Variants in TRPC1 observed in about 807,000 individuals in gnomAD.
The protein encoded by TRPC1 is transient receptor potential cation channel subfamily C member 1.
A neutral mutation model predicts 88.2 loss-of-function variants in TRPC1; 42 were observed. The ratio of observed to expected loss-of-function variants is 0.48; its 90% CI spans 0.37 to 0.62. The LOEUF (loss-of-function observed/expected upper bound fraction) is 0.62. TRPC1 is among the 20% of genes least tolerant of loss of function. The pLI, the probability that TRPC1 is intolerant of heterozygous loss-of-function variation, is 0.00. For synonymous variants in TRPC1, 288 were observed against 331.8 expected, an observed-to-expected ratio of 0.87 and a Z score of 1.43; for missense variants, 699 against 957.3, an observed-to-expected ratio of 0.73 and a Z score of 3.56.
chr3:142,762,391 C>T (rs1577972741), intron 4 of TRPC1, among the ~76,000 whole-genome samples: 1 of 142,878 alleles, frequency 7.0e-6, no homozygotes, highest in South Asian at 2.3e-4. Context: ...ATCTTTATTT[C>T]TCTTCTTCTG....
chr3:142,804,177 C>T lies in TRPC1; in HGVS notation c.1958C>T (p.Ala653Val), dbSNP rs200746084. 17 of 1,613,552 alleles carry T rather than the reference C, an allele frequency of 1.1e-5. No individual in the cohort carries two copies. Among genetic ancestry groups the T allele is most frequent in the Non-Finnish European group, 1.4e-5 (17 of 1,179,788 alleles). Residue 653 changes from alanine to valine, a missense_variant and splice_region_variant, in exon 11 of 13, where the codon GCA (alanine) becomes GTA (valine). By Grantham distance (64) the Ala-to-Val change is moderately conservative. Around this residue, in one of 4 missense-constraint regions of TRPC1, gnomAD observed 11 missense variants for 47.2 expected, o/e 0.23. Transcript: ENST00000476941. ...AMLHKSFQLI[A>V]NHEDKEWKFA... ...CTTCATAAAAGCTTTCAGTTGATAGCAGTAAGTTCATTCTTTTAAAAACTT... is the reference window on the plus strand; with the variant it reads ...CTTCATAAAAGCTTTCAGTTGATAGTAGTAAGTTCATTCTTTTAAAAACTT...
chr3:142,801,950 T>G (rs769525142), intron 9 of TRPC1, among the ~76,000 whole-genome samples: 6 of 152,168 alleles, frequency 3.9e-5, no homozygotes, highest in South Asian at 4.1e-4. Flanking sequence ...TCTAGGAACG[T>G]GCCATCTAAC....
chr3:142,764,584 CCATT>C (rs1935320325), intron 4 of TRPC1, among the ~76,000 whole-genome samples: 2 of 152,044 alleles, frequency 1.3e-5, no homozygotes, highest in African/African-American at 4.8e-5. Context: ...TTTGAAAATG[CCATT>C]CCACTCCCTT....
intron 1 of TRPC1, among the ~76,000 whole-genome samples, chr3:142,734,530 C>T (rs1934047953): frequency 6.6e-6 from 1 of 152,052 alleles, no homozygotes; most frequent in Admixed American, 6.6e-5. Flanking sequence ...GAAGGTCTAA[C>T]TTAATGTCTA....
intron 3 of TRPC1, among the ~76,000 whole-genome samples, chr3:142,745,061 A>G (rs1276219465): frequency 1.3e-5 from 2 of 152,228 alleles, no homozygotes; most frequent in African/African-American, 2.4e-5. Context: ...AGACTATTAC[A>G]AAAGTGTGAC....
chr3:142,726,640 A>G (rs1173154894), intron 1 of TRPC1, among the ~76,000 whole-genome samples: 1 of 152,184 alleles, frequency 6.6e-6, no homozygotes, highest in Non-Finnish European at 1.5e-5. Flanking sequence ...ACGCATACTT[A>G]TGGGGTACAT....
chr3:142,727,492 G>T (rs147683341), intron 1 of TRPC1, among the ~76,000 whole-genome samples: 2 of 152,284 alleles, frequency 1.3e-5, no homozygotes, highest in African/African-American at 4.8e-5. Context: ...GTGATAGCTG[G>T]CTTTTATGTA....
intron 1 of TRPC1, among the ~76,000 whole-genome samples, chr3:142,735,848 C>T (rs960164024): frequency 6.6e-6 from 1 of 152,020 alleles, no homozygotes; most frequent in Admixed American, 6.6e-5. Context: ...CTTTACTATA[C>T]ATATCCTTGA....
At chr3:142,779,492 C>G (rs181422018) in intron 5 of TRPC1, among the ~76,000 whole-genome samples, 1 of 152,294 alleles carries the variant, frequency 6.6e-6, no homozygotes, top group African/African-American at 2.4e-5. Flanking sequence ...TTCTGATAAA[C>G]ATTCCAGTCT....
intron 4 of TRPC1, among the ~76,000 whole-genome samples, chr3:142,771,140 C>A (rs1935562310): frequency 6.6e-6 from 1 of 152,180 alleles, no homozygotes; most frequent in Admixed American, 6.6e-5. Context: ...ACCTCCATGA[C>A]CCAAACATCT....
intron 4 of TRPC1, among the ~76,000 whole-genome samples, chr3:142,758,680 C>CT (rs568523153): frequency 2.7e-5 from 4 of 149,966 alleles, no homozygotes; most frequent in Admixed American, 1.3e-4. Context: ...CTTTTTTTTT[C>CT]TTTTTTTTCA....
Position 142,780,831 on chromosome 3 carries a change from T to C in TRPC1, c.765-3T>C, listed in dbSNP as rs770288227. On this transcript the variant is annotated splice_region_variant and splice_polypyrimidine_tract_variant and intron_variant, in intron 5 of 12. Coordinates refer to ENST00000476941, the MANE Select transcript of TRPC1 (RefSeq NM_001251845.2). ...TCTGATAATAGAATGCTGCATTTTA[T>C]AGGAATGATTATGAGGAACTAGCCC... is the stretch of plus-strand genomic sequence containing the variant. 1.9e-6 allele frequency: 3 copies of C among 1,595,534 alleles called. No individual in the cohort carries two copies. The highest frequency in any genetic ancestry group is 1.7e-6 in the Non-Finnish European group (2 of 1,172,194).
At chr3:142,729,648 A>T (rs1403989285) in intron 1 of TRPC1, among the ~76,000 whole-genome samples, 1 of 152,202 alleles carries the variant, frequency 6.6e-6, no homozygotes, top group Non-Finnish European at 1.5e-5. Context: ...AAATTTTATT[A>T]TATAGGTATT....
Position 142,724,565 on chromosome 3 carries a change from G to A in TRPC1, c.6G>A (p.Met2Ile), listed in dbSNP as rs887747091. The A allele has an allele frequency of 6.4e-7, 1 of 1,572,130 alleles. No homozygotes were observed. Among genetic ancestry groups the A allele is most frequent in the Non-Finnish European group, 8.6e-7 (1 of 1,160,784 alleles). M[M>I]AALYPSTDLS... ...TGCCCCCTTCATGGGCCGCGATGAT[G>A]GCGGCCCTGTACCCGAGCACGGACC... The change falls in exon 1 of 13, where the codon ATG (methionine) becomes ATA (isoleucine). Residue 2 changes from methionine to isoleucine, a missense_variant. Met to Ile is a conservative substitution (Grantham distance 10). Around this residue, in one of 4 missense-constraint regions of TRPC1, gnomAD observed 157 missense variants for 127.0 expected, o/e 1.24. Transcript: ENST00000476941. The surrounding 1 kb of genome is among the most constrained non-coding windows in gnomAD (Gnocchi z 5.6).
chr3:142,730,660 G>A (rs999213150), intron 1 of TRPC1, among the ~76,000 whole-genome samples: 1 of 145,378 alleles, frequency 6.9e-6, no homozygotes, highest in African/African-American at 2.6e-5. Context: ...GAAGTTTGAT[G>A]TCAGTTAACA....
chr3:142,757,232 TA>T (rs1935003623), intron 4 of TRPC1, among the ~76,000 whole-genome samples: 8 of 42,676 alleles, frequency 1.9e-4, no homozygotes, highest in Admixed American at 1.2e-3. Context: ...TTCTTTTGGA[TA>T]TATATATATA....
At chr3:142,781,126 C>A (rs1935945280) in intron 6 of TRPC1, 97 bp downstream of exon 6, 1 of 959,036 alleles carries the variant, frequency 1.0e-6, no homozygotes, top group Non-Finnish European at 1.4e-6. Context: ...GGTTAAGATC[C>A]TAGTTCTGCT....
chr3:142,747,896 A>G (rs1934617478), intron 3 of TRPC1, among the ~76,000 whole-genome samples: 1 of 152,002 alleles, frequency 6.6e-6, no homozygotes, highest in South Asian at 2.1e-4. Flanking sequence ...TTTCTAATAT[A>G]TTTTTCTAAC....
At chr3:142,760,641 AT>A (rs1935150306) in intron 4 of TRPC1, among the ~76,000 whole-genome samples, 1 of 152,096 alleles carries the variant, frequency 6.6e-6, no homozygotes, top group African/African-American at 2.4e-5. Context: ...TTTGATAAGG[AT>A]TGCATGGAAT....
Sources: gnomAD v4.1 joint callset for allele counts (sites outside exome capture counted in the v4.1 genomes callset) on GRCh38, gnomAD v4.1.1 for gene constraint, gnomAD v4.1.1 regional missense constraint, Gnocchi (gnomAD v3.1) non-coding constraint, MANE v1.5 for transcripts, NCBI Gene and HGNC (gene_info 2026-07-23, HGNC 2026-07-21) for gene names.